Variants in DDHD2 observed in about 807,000 individuals in gnomAD.
The protein encoded by DDHD2 is DDHD domain containing 2.
Under a neutral mutation model 91.2 loss-of-function variants are expected in DDHD2, and 62 were observed. That is an observed-to-expected ratio of 0.68 (90% CI 0.55 to 0.84). The LOEUF (loss-of-function observed/expected upper bound fraction) is 0.84. Ranked by LOEUF, DDHD2 falls within the 40% of genes least tolerant of loss-of-function variation. The probability of loss-of-function intolerance (pLI) is 0.00; values close to 1 mark genes in which losing one functional copy is unlikely to be tolerated. For synonymous variants in DDHD2, 271 were observed against 293.9 expected, an observed-to-expected ratio of 0.92 and a Z score of 0.80; for missense variants, 740 against 846.9, an observed-to-expected ratio of 0.87 and a Z score of 1.57.
chr8:38,251,893 A>C lies in DDHD2; in HGVS notation c.1345-19A>C, dbSNP rs1469899665. On this transcript the variant is annotated intron_variant, in intron 11 of 17. Transcript: ENST00000397166. ...CCGTCATGCCCAGCTTCTCCACATA[A>C]CTATTTTTTATTCTTTAGGGTATTA... 1 of 1,584,878 alleles carries C rather than the reference A, an allele frequency of 6.3e-7. No individual in the cohort carries two copies. The highest frequency in any genetic ancestry group is 2.2e-5 in the East Asian group (1 of 44,688).
downstream of DDHD2, chr8:38,266,089 G>A (rs141363020): frequency 0.012 from 17,972 of 1,562,114 alleles, 131 homozygotes; most frequent in Non-Finnish European, 0.013. Context: ...TAGGTGCTAG[G>A]AATAAAATGA....
At chr8:38,252,895 C>T in intron 14 of DDHD2, 62 bp from the exon 15 acceptor site, 1 of 1,605,626 alleles carries the variant, frequency 6.2e-7, no homozygotes, top group South Asian at 1.1e-5. Context: ...TCACTCTGTT[C>T]AGCTATGTTG....
chr8:38,234,156 A>G (rs1804514266), intron 2 of DDHD2, among the ~76,000 whole-genome samples: 1 of 152,158 alleles, frequency 6.6e-6, no homozygotes, highest in South Asian at 2.1e-4. Flanking sequence ...CCCCAGAAAA[A>G]GAACAAAACT....
chr8:38,239,893 T>A (rs1360169351), intron 5 of DDHD2, among the ~76,000 whole-genome samples: 1 of 150,694 alleles, frequency 6.6e-6, no homozygotes, highest in Non-Finnish European at 1.5e-5. Context: ...ACCCGGCTAA[T>A]TTTGTATTTT....
chr8:38,233,964 A>G (rs1804496507), intron 2 of DDHD2, among the ~76,000 whole-genome samples: 1 of 151,794 alleles, frequency 6.6e-6, no homozygotes, highest in Non-Finnish European at 1.5e-5. Context: ...AAAAGTATGT[A>G]TAGAGTGGGG....
At chr8:38,235,871 G>GCACACACA (rs1439175045) in intron 3 of DDHD2, among the ~76,000 whole-genome samples, 12 of 50,392 alleles carry the variant, frequency 2.4e-4, no homozygotes, top group Non-Finnish European at 4.2e-4. Flanking sequence ...AAAAGTACAC[G>GCACACACA]CGCACACACA....
chr8:38,248,836 T>A (rs1805866550), intron 10 of DDHD2, among the ~76,000 whole-genome samples: 2 of 151,368 alleles, frequency 1.3e-5, no homozygotes, highest in South Asian at 2.1e-4. Context: ...TCCCAGCTAC[T>A]TGGGAGGCTG....
At chr8:38,241,331 TA>T (rs916175545) in intron 6 of DDHD2, among the ~76,000 whole-genome samples, 157 of 149,316 alleles carry the variant, frequency 1.1e-3, no homozygotes, top group African/African-American at 2.5e-3. Flanking sequence ...GTCATGTGAT[TA>T]AAAAAAAAAT....
intron 16 of DDHD2, among the ~76,000 whole-genome samples, chr8:38,254,275 C>A (rs1168903076): frequency 6.6e-6 from 1 of 152,082 alleles, no homozygotes; most frequent in African/African-American, 2.4e-5. Context: ...GTCTTTTGGC[C>A]ATTTAGGTGC....
chr8:38,268,658 GCA>G, intron 1 of DDHD2: 1 of 1,433,318 alleles, frequency 7.0e-7, no homozygotes, highest in South Asian at 1.5e-5. Flanking sequence ...TCAGGCTGAG[GCA>G]CAGAGCGCCC....
At chr8:38,254,874 C>T (rs1322022174) in intron 16 of DDHD2, among the ~76,000 whole-genome samples, 1 of 151,636 alleles carries the variant, frequency 6.6e-6, no homozygotes, top group Non-Finnish European at 1.5e-5. Flanking sequence ...AGTGACAGAG[C>T]GAGACCATGT....
intron 2 of DDHD2, 87 bp from the exon 3 acceptor site, chr8:38,234,307 A>C (rs1804528243): frequency 2.0e-6 from 2 of 1,001,356 alleles, no homozygotes; most frequent in Non-Finnish European, 2.8e-6. Context: ...GTGTTTCATA[A>C]CATTATTTAG....
Position 38,251,969 on chromosome 8 carries a change from G to C in DDHD2, c.1402G>C (p.Glu468Gln). The C allele has an allele frequency of 6.2e-7, 1 of 1,614,208 alleles. No individual in the cohort carries two copies. The highest frequency in any genetic ancestry group is 8.5e-7 in the Non-Finnish European group (1 of 1,180,036). ...ASGANIPKES[E>Q]FCSSSNTRNG... ...AGGGGCAAACATCCCCAAAGAATCT[G>C]AGTTCTGCAGTAGCAGTAATACTAG... The change falls in exon 12 of 18, where the codon GAG (glutamate) becomes CAG (glutamine). Residue 468 changes from glutamate to glutamine, a missense_variant. Glu to Gln is a conservative substitution (Grantham distance 29). Coordinates refer to ENST00000397166, the MANE Select transcript of DDHD2 (RefSeq NM_015214.3).
intron 1 of DDHD2, among the ~76,000 whole-genome samples, chr8:38,232,342 G>C (rs1804340996): frequency 6.6e-6 from 1 of 152,246 alleles, no homozygotes; most frequent in Admixed American, 6.5e-5. Context: ...CGCCTCTGCG[G>C]GAGGAGGCTT....
intron 5 of DDHD2, chr8:38,238,596 C>T: frequency 9.9e-7 from 1 of 1,012,926 alleles, no homozygotes; most frequent in South Asian, 4.0e-5. Flanking sequence ...TTATGCACTG[C>T]TATCTAGGTA....
Position 38,238,472 on chromosome 8 carries a change from T to G in DDHD2, c.622+263T>G, listed in dbSNP as rs1250377125. On this transcript the variant is annotated intron_variant, in intron 5 of 17. Coordinates refer to ENST00000397166, the MANE Select transcript of DDHD2 (RefSeq NM_015214.3). The stretch of plus-strand genomic sequence containing the variant: ...ACTAAGTACAGATGAACTGATTTAG[T>G]CCTAATTCCAAGAAGTGTGATTCCA... 4 of 1,159,110 alleles carry G rather than the reference T, an allele frequency of 3.5e-6. No individual in the cohort carries two copies. In the East Asian group the frequency reaches 2.5e-4, roughly 74 times the overall value. 71.8% of individuals were successfully genotyped at this position (1,159,110 alleles called of 1,614,324 possible). A position where few individuals can be genotyped will look rare whatever the true frequency, so the allele number is the denominator to read the frequency against.
chr8:38,237,491 A>C (rs769337667), intron 3 of DDHD2, 47 bp from the exon 4 acceptor site: 11 of 910,510 alleles, frequency 1.2e-5, no homozygotes, highest in Admixed American at 1.1e-4. Context: ...GTTCAGTTTA[A>C]TAGGAAAGCT....
At chr8:38,269,290 T>C (rs1808327836) in intron 1 of DDHD2, 3 of 1,257,586 alleles carry the variant, frequency 2.4e-6, no homozygotes, top group Middle Eastern at 2.9e-4. Context: ...CCTCTCCCAG[T>C]TGCCCGCGCT....
chr8:38,264,594 A>G (rs746917106), downstream of DDHD2: 66 of 1,594,044 alleles, frequency 4.1e-5, 1 homozygote, highest in East Asian at 7.0e-4. Context: ...TCATGGATCC[A>G]ACTAGTACAT....
Sources: gnomAD v4.1 joint callset for allele counts (sites outside exome capture counted in the v4.1 genomes callset) on GRCh38, gnomAD v4.1.1 for gene constraint, MANE v1.5 for transcripts, NCBI Gene and HGNC (gene_info 2026-07-23, HGNC 2026-07-21) for gene names.